TRIM27: variants seen among roughly 807,000 people sequenced by gnomAD.
TRIM27 encodes the protein zinc finger protein RFP.
A neutral mutation model predicts 57.6 loss-of-function variants in TRIM27; 12 were observed. The ratio of observed to expected loss-of-function variants is 0.21; its 90% CI spans 0.13 to 0.34. TRIM27 has a LOEUF of 0.34. TRIM27 is among the 10% of genes least tolerant of loss of function. TRIM27 has a pLI of 1.00. For missense variants in TRIM27, 403 were observed against 656.8 expected, an observed-to-expected ratio of 0.61 and a Z score of 4.22; for synonymous variants, 266 against 259.0, an observed-to-expected ratio of 1.03 and a Z score of -0.26.
chr6:28,915,428 G>A (rs1024617280), intron 3 of TRIM27: 1 of 151,950 alleles, frequency 6.6e-6, no homozygotes, highest in Non-Finnish European at 1.5e-5. Context: ...GGCCAACATG[G>A]TGAAACCCCA....
At position 28,923,715 on chromosome 6, in the gene TRIM27, T is replaced by G. The variant is rs1774254310; in HGVS notation, c.-83A>C. On this transcript the variant is annotated 5_prime_UTR_variant, in exon 1 of 8. Transcript: ENST00000377199. ...CCCAACTCTCCGGCGCTCTCTCCGG[T>G]TCGCTGTTCCTGAGAGGCACCGGGC... 7.1e-7 allele frequency: 1 copy of G among 1,399,340 alleles called. No homozygotes were observed. Among genetic ancestry groups the G allele is most frequent in the Non-Finnish European group, 9.4e-7 (1 of 1,058,670 alleles). The allele number at this position is 1,399,340 out of a possible 1,614,324, so 86.7% of individuals were successfully genotyped here.
intron 3 of TRIM27, among the ~76,000 whole-genome samples, chr6:28,913,968 T>C (rs1045898082): frequency 6.7e-6 from 1 of 148,456 alleles, no homozygotes; most frequent in African/African-American, 2.5e-5. Flanking sequence ...TGGTGTAGTA[T>C]CTAGTAGGGC....
intron 3 of TRIM27, among the ~76,000 whole-genome samples, chr6:28,913,877 T>A (rs1226862791): frequency 1.3e-5 from 2 of 151,722 alleles, no homozygotes; most frequent in African/African-American, 4.8e-5. Flanking sequence ...ATTTTAATAC[T>A]ATCTTTTGAC....
chr6:28,916,751 C>T (rs1229035206), intron 3 of TRIM27, among the ~76,000 whole-genome samples: 1 of 152,070 alleles, frequency 6.6e-6, no homozygotes, highest in African/African-American at 2.4e-5. Flanking sequence ...TGATAATTTA[C>T]AACACTGTGG....
chr6:28,908,695 A>G (rs1330713795), intron 6 of TRIM27, 113 bp downstream of exon 6: 5 of 885,252 alleles, frequency 5.6e-6, no homozygotes, highest in Non-Finnish European at 8.8e-6. Flanking sequence ...GTAAAATATC[A>G]GGGAAGGCTG....
In TRIM27 at chr6:28,920,234, G is replaced by C; in HGVS notation, c.525C>G (p.Thr175=). 1 of 1,606,722 alleles carries C rather than the reference G, an allele frequency of 6.2e-7. No individual in the cohort carries two copies. Among genetic ancestry groups the C allele is most frequent in the South Asian group, 1.1e-5 (1 of 90,382 alleles). The change falls in exon 3 of 8, where the codon ACC becomes ACG. Residue 175 remains threonine (T), a synonymous_variant. Coordinates refer to ENST00000377199, the MANE Select transcript of TRIM27 (RefSeq NM_006510.5). ...AAACAATCTTCTCCCTCTCCATCTG[G>C]GTTAGGCTCTATGCAGACGACAGGG... ...EQARAELLSL[T]QMEREKIVWE...
rs776383612 is a variant in TRIM27, at chr6:28,903,136, T to C, written c.*934A>G. The C allele has an allele frequency of 4.3e-6, 1 of 231,852 alleles. No homozygotes were observed. Among genetic ancestry groups the C allele is most frequent in the East Asian group, 6.1e-5 (1 of 16,404 alleles). The allele number at this position is 231,852 out of a possible 1,614,324, so 14.4% of individuals were successfully genotyped here. On this transcript the variant is annotated 3_prime_UTR_variant, in exon 8 of 8. Transcript: ENST00000377199. ...GACTTCAGAGTGTCTCATGATCCAA[T>C]GGCCATGGGGACGGAGCTGCCCCTT... is the stretch of plus-strand genomic sequence containing the variant.
chr6:28,923,699 C>T lies in TRIM27; in HGVS notation c.-67G>A. ...CGAGCTCTGCACTGAGCCCAACTCTCCGGCGCTCTCTCCGGTTCGCTGTTC... is the reference window on the plus strand; with the variant it reads ...CGAGCTCTGCACTGAGCCCAACTCTTCGGCGCTCTCTCCGGTTCGCTGTTC... On this transcript the variant is annotated 5_prime_UTR_variant, in exon 1 of 8. Coordinates refer to ENST00000377199, the MANE Select transcript of TRIM27 (RefSeq NM_006510.5). The T allele has an allele frequency of 7.0e-7, 1 of 1,428,274 alleles. No homozygotes were observed. Among genetic ancestry groups the T allele is most frequent in the Non-Finnish European group, 9.3e-7 (1 of 1,079,778 alleles). 88.5% of individuals were successfully genotyped at this position (1,428,274 alleles called of 1,614,324 possible). A position where few individuals can be genotyped will look rare whatever the true frequency, so the allele number is the denominator to read the frequency against.
chr6:28,920,975 T>C (rs1457456705), intron 2 of TRIM27, among the ~76,000 whole-genome samples: 1 of 151,876 alleles, frequency 6.6e-6, no homozygotes, highest in Non-Finnish European at 1.5e-5. Flanking sequence ...GGGGGAGAGG[T>C]GCTCTCCCCA....
chr6:28,915,071 A>T (rs1389574687), intron 3 of TRIM27: 1 of 152,096 alleles, frequency 6.6e-6, no homozygotes, highest in African/African-American at 2.4e-5. Flanking sequence ...ATAGAGATAA[A>T]TGATACTGGG....
chr6:28,909,544 C>G (rs1315685544), intron 4 of TRIM27, among the ~76,000 whole-genome samples: 1 of 152,168 alleles, frequency 6.6e-6, no homozygotes, highest in African/African-American at 2.4e-5. Flanking sequence ...AGCTATGATC[C>G]TCTAGACCAA....
Position 28,923,968 on chromosome 6 carries a change from G to A in TRIM27, c.-336C>T, listed in dbSNP as rs376772049. On this transcript the variant is annotated 5_prime_UTR_variant, in exon 1 of 8. Transcript: ENST00000377199. Reference sequence around the variant, plus strand: ...CAAGACAACGTGGCCGCGTCCGAGCGGATGCCGGCGGCAGCGTAAACCCCA... The same window carrying A: ...CAAGACAACGTGGCCGCGTCCGAGCAGATGCCGGCGGCAGCGTAAACCCCA... 5 of 343,706 alleles carry A rather than the reference G, an allele frequency of 1.5e-5. No individual in the cohort carries two copies. The highest frequency in any genetic ancestry group is 2.1e-5 in the Non-Finnish European group (4 of 191,432). 21.3% of individuals were successfully genotyped at this position (343,706 alleles called of 1,614,324 possible). A position where few individuals can be genotyped will look rare whatever the true frequency, so the allele number is the denominator to read the frequency against.
chr6:28,904,014 C>T lies in TRIM27; in HGVS notation c.*56G>A. The T allele has an allele frequency of 6.8e-7, 1 of 1,461,290 alleles. No individual in the cohort carries two copies. The highest frequency in any genetic ancestry group is 9.4e-7 in the Non-Finnish European group (1 of 1,060,128). The allele number at this position is 1,461,290 out of a possible 1,614,324, so 90.5% of individuals were successfully genotyped here. Reference sequence around the variant, plus strand: ...CAGGACGTGGCAAGGCAACAAGATGCCTTGTGCCTGGCGTAGGATTACAGC... The same window carrying T: ...CAGGACGTGGCAAGGCAACAAGATGTCTTGTGCCTGGCGTAGGATTACAGC... On this transcript the variant is annotated 3_prime_UTR_variant, in exon 8 of 8. Coordinates refer to ENST00000377199, the MANE Select transcript of TRIM27 (RefSeq NM_006510.5). This position sits in a 1 kb window ranked among gnomAD's most constrained non-coding sequence, Gnocchi z 6.1.
rs923251879 is a variant in TRIM27, at chr6:28,923,829, G to A, written c.-197C>T. Reference sequence around the variant, plus strand: ...TGGCCGGGCCGATGCCTGCGCCTGTGCCCCCTAAGCGAGAGCGGGAATACG... The same window carrying A: ...TGGCCGGGCCGATGCCTGCGCCTGTACCCCCTAAGCGAGAGCGGGAATACG... On this transcript the variant is annotated 5_prime_UTR_variant, in exon 1 of 8. Coordinates refer to ENST00000377199, the MANE Select transcript of TRIM27 (RefSeq NM_006510.5). The A allele has an allele frequency of 1.7e-6, 1 of 598,318 alleles. No homozygotes were observed. The highest frequency in any genetic ancestry group is 2.8e-6 in the Non-Finnish European group (1 of 355,168). 37.1% of individuals were successfully genotyped at this position (598,318 alleles called of 1,614,324 possible).
intron 3 of TRIM27, among the ~76,000 whole-genome samples, chr6:28,917,787 G>A (rs1218905916): frequency 6.6e-6 from 1 of 151,358 alleles, no homozygotes; most frequent in Non-Finnish European, 1.5e-5. Context: ...GCCTTCTCAG[G>A]AACCGCACAT....
At chr6:28,923,104 A>T in intron 1 of TRIM27, 109 bp downstream of exon 1, 1 of 1,264,482 alleles carries the variant, frequency 7.9e-7, no homozygotes, top group Non-Finnish European at 1.1e-6. Context: ...ACGGCTGTGA[A>T]CCACACGTCC....
At chr6:28,920,344 T>G (rs1773928798) in intron 2 of TRIM27, 102 bp from the exon 3 acceptor site, 1 of 977,260 alleles carries the variant, frequency 1.0e-6, no homozygotes, top group African/African-American at 1.6e-5. Context: ...CATTATGGAT[T>G]AAAACAAGCA....
At chr6:28,917,152 A>G (rs1773670461) in intron 3 of TRIM27, among the ~76,000 whole-genome samples, 1 of 152,090 alleles carries the variant, frequency 6.6e-6, no homozygotes, top group South Asian at 2.1e-4. Flanking sequence ...AACAACAACA[A>G]TAAAAACTAA....
chr6:28,920,810 G>A (rs1274964206), intron 2 of TRIM27, among the ~76,000 whole-genome samples: 2 of 152,140 alleles, frequency 1.3e-5, no homozygotes, highest in African/African-American at 2.4e-5. Context: ...TTGTCACACA[G>A]GAAAGTGACA....
Sources: allele counts gnomAD v4.1 joint callset (sites outside exome capture counted in the v4.1 genomes callset), GRCh38; gene constraint gnomAD v4.1.1; non-coding constraint Gnocchi (gnomAD v3.1); transcripts MANE v1.5; gene names NCBI Gene and HGNC (gene_info 2026-07-23, HGNC 2026-07-21).